Variants in ABRAXAS2 observed in about 807,000 individuals in gnomAD.
The protein encoded by ABRAXAS2 is abraxas 2, BRISC complex subunit, also known as BRISC complex subunit Abraxas 2.
In ABRAXAS2, 23 loss-of-function variants were observed where a neutral mutation model predicts 49.0. The observed-to-expected ratio is 0.47, with a 90% CI of 0.34 to 0.66. ABRAXAS2 has a LOEUF of 0.66. Among genes scored for constraint, ABRAXAS2 ranks in the 30% least tolerant of loss-of-function variants. ABRAXAS2 has a pLI of 0.01. For synonymous variants in ABRAXAS2, 168 were observed against 180.2 expected (o/e 0.93, Z 0.54); for missense variants, 443 against 511.9 (o/e 0.87, Z 1.30).
intron 2 of ABRAXAS2, among the ~76,000 whole-genome samples, chr10:124,811,001 C>T (rs976136513): frequency 5.3e-5 from 8 of 150,626 alleles, no homozygotes; most frequent in African/African-American, 7.3e-5. Context: ...GGGTGGATCA[C>T]GAGGTCAGGA....
chr10:124,807,661 G>T (rs1290680086), intron 2 of ABRAXAS2, among the ~76,000 whole-genome samples: 2 of 152,140 alleles, frequency 1.3e-5, no homozygotes, highest in African/African-American at 4.8e-5. Flanking sequence ...TAAATGATAT[G>T]AAATGTTTTT....
intron 2 of ABRAXAS2, among the ~76,000 whole-genome samples, chr10:124,810,346 C>T (rs1249831453): frequency 5.9e-5 from 9 of 152,028 alleles, no homozygotes; most frequent in Non-Finnish European, 1.0e-4. Flanking sequence ...GGCAAGGTGG[C>T]GAGACCCTGT....
chr10:124,816,684 T>G, intron 3 of ABRAXAS2, 72 bp downstream of exon 3: 12 of 1,050,732 alleles, frequency 1.1e-5, no homozygotes, highest in Non-Finnish European at 1.6e-5. Flanking sequence ...AATTTTGGCC[T>G]GTAGCTGATT....
In ABRAXAS2 at chr10:124,834,760, G is replaced by A. The variant is rs761847350; in HGVS notation, c.1037G>A (p.Ser346Asn). The change falls in exon 9 of 9, where the codon AGT becomes AAT. Residue 346 changes from serine (S) to asparagine (N), a missense_variant. Ser to Asn is a conservative substitution (Grantham distance 46). Transcript: ENST00000298492. ...GGCTCTTCCAATTATGCTTCCACCA[G>A]TGCCGGACTGAAGTATCCTGGAAGT... ...AVGSSNYAST[S>N]AGLKYPGSGA... is the part of the protein sequence containing the mutation. 1 of 1,614,102 alleles carries A rather than the reference G, an allele frequency of 6.2e-7. No individual in the cohort carries two copies. Among genetic ancestry groups the A allele is most frequent in the Non-Finnish European group, 8.5e-7 (1 of 1,180,012 alleles).
At chr10:124,817,249 A>G (rs1950830467) in intron 3 of ABRAXAS2, among the ~76,000 whole-genome samples, 1 of 152,232 alleles carries the variant, frequency 6.6e-6, no homozygotes, top group Non-Finnish European at 1.5e-5. Context: ...GGACTACTGT[A>G]TACACCAATG....
intron 8 of ABRAXAS2, among the ~76,000 whole-genome samples, chr10:124,833,057 A>C (rs541169823): frequency 6.7e-6 from 1 of 149,522 alleles, no homozygotes; most frequent in East Asian, 2.0e-4. Context: ...GAGGCGGGAG[A>C]ATCGTTTGAA....
At chr10:124,815,621 A>T (rs193030497) in intron 2 of ABRAXAS2, among the ~76,000 whole-genome samples, 1 of 152,298 alleles carries the variant, frequency 6.6e-6, no homozygotes, top group East Asian at 1.9e-4. Context: ...AATTAGTTTC[A>T]TGGTCTTATA....
intron 1 of ABRAXAS2, among the ~76,000 whole-genome samples, chr10:124,804,709 TTTTCTTTC>T (rs1181508961): frequency 2.3e-5 from 3 of 127,890 alleles, no homozygotes; most frequent in African/African-American, 8.2e-5. Flanking sequence ...ATATTTCTTT[TTTTCTTTC>T]TTTTTTTTTT....
chr10:124,818,119 G>A (rs1335413542), intron 3 of ABRAXAS2, among the ~76,000 whole-genome samples: 3 of 152,244 alleles, frequency 2.0e-5, no homozygotes, highest in African/African-American at 2.4e-5. Flanking sequence ...TTAGTTGGCC[G>A]GGTGCGGTGG....
intron 1 of ABRAXAS2, among the ~76,000 whole-genome samples, chr10:124,803,458 C>A (rs1015764629): frequency 1.3e-5 from 2 of 152,198 alleles, no homozygotes; most frequent in Non-Finnish European, 2.9e-5. Flanking sequence ...TAATTTAAAA[C>A]CACTCATTTG....
chr10:124,801,971 C>A, intron 1 of ABRAXAS2, 70 bp downstream of exon 1: 1 of 1,510,708 alleles, frequency 6.6e-7, no homozygotes, highest in Non-Finnish European at 9.1e-7. Flanking sequence ...CGCTCGCGGC[C>A]AAGCCGGGAC....
chr10:124,802,908 T>A (rs949529663), intron 1 of ABRAXAS2, among the ~76,000 whole-genome samples: 2 of 152,206 alleles, frequency 1.3e-5, no homozygotes, highest in Non-Finnish European at 2.9e-5. Context: ...GGTGATTCCA[T>A]TAGTAAATTG....
At chr10:124,824,438 A>G (rs907184208) in intron 4 of ABRAXAS2, among the ~76,000 whole-genome samples, 8 of 151,368 alleles carry the variant, frequency 5.3e-5, no homozygotes, top group Non-Finnish European at 1.2e-4. Flanking sequence ...CTGAGGCATG[A>G]GAATTGCTTG....
At position 124,816,752 on chromosome 10, in the gene ABRAXAS2, C is replaced by T. The variant is rs553478384; in HGVS notation, c.200+140C>T. On this transcript the variant is annotated intron_variant, in intron 3 of 8. Coordinates refer to ENST00000298492, the MANE Select transcript of ABRAXAS2 (RefSeq NM_032182.4). ...ATGTATTTATTGAGTGCTTTGTACA[C>T]GGCACTGTGTTAGGTTAGGAAAAGG... 82 of 635,182 alleles carry T rather than the reference C, an allele frequency of 1.3e-4. 2 individuals carry two copies. The highest frequency in any genetic ancestry group is 1.2e-3 in the South Asian group (64 of 51,828). The allele number at this position is 635,182 out of a possible 1,614,324, so 39.3% of individuals were successfully genotyped here.
intron 2 of ABRAXAS2, among the ~76,000 whole-genome samples, chr10:124,807,312 C>CAAA (rs764661303): frequency 1.6e-3 from 56 of 33,984 alleles, no homozygotes; most frequent in African/African-American, 5.5e-3. Context: ...GACTCTGTCT[C>CAAA]AAAAAAAAAA....
In ABRAXAS2 at chr10:124,834,813, G is replaced by A. The variant is rs1472964799; in HGVS notation, c.1090G>A (p.Ala364Thr). 6.2e-7 allele frequency: 1 copy of A among 1,614,152 alleles called. No homozygotes were observed. Among genetic ancestry groups the A allele is most frequent in the Non-Finnish European group, 8.5e-7 (1 of 1,180,040 alleles). The part of the protein sequence containing the change: ...SGADLPPPQR[A>T]AGDSGEDSDD... ...GGCTGACCTTCCTCCTCCCCAAAGAGCAGCTGGAGACAGTGGTGAGGATTC... is the reference window on the plus strand; with the variant it reads ...GGCTGACCTTCCTCCTCCCCAAAGAACAGCTGGAGACAGTGGTGAGGATTC... The change falls in exon 9 of 9, where the codon GCA (alanine) becomes ACA (threonine). Residue 364 changes from alanine to threonine, a missense_variant. Coordinates refer to ENST00000298492, the MANE Select transcript of ABRAXAS2 (RefSeq NM_032182.4).
intron 4 of ABRAXAS2, among the ~76,000 whole-genome samples, chr10:124,824,718 AG>A (rs1356406852): frequency 4.6e-5 from 7 of 152,286 alleles, no homozygotes; most frequent in Non-Finnish European, 2.9e-5. Flanking sequence ...GCAGGAAGGC[AG>A]GGGAAGTGCA....
intron 4 of ABRAXAS2, among the ~76,000 whole-genome samples, chr10:124,820,803 A>G (rs1338159919): frequency 6.6e-6 from 1 of 152,136 alleles, no homozygotes; most frequent in African/African-American, 2.4e-5. Context: ...TCTAAAACTA[A>G]AATTTGTTCT....
chr10:124,821,006 C>G (rs1337907184), intron 4 of ABRAXAS2, among the ~76,000 whole-genome samples: 1 of 151,914 alleles, frequency 6.6e-6, no homozygotes, highest in African/African-American at 2.4e-5. Flanking sequence ...CTCGACCTCC[C>G]AGGCTCAGGT....
Sources: allele counts gnomAD v4.1 joint callset (sites outside exome capture counted in the v4.1 genomes callset), GRCh38; gene constraint gnomAD v4.1.1; transcripts MANE v1.5; gene names NCBI Gene and HGNC (gene_info 2026-07-23, HGNC 2026-07-21).